MEF2C: variants seen among roughly 807,000 people sequenced by gnomAD.
The protein encoded by MEF2C is myocyte enhancer factor 2C.
Under a neutral mutation model 50.5 loss-of-function variants are expected in MEF2C, and 6 were observed. That is an observed-to-expected ratio of 0.12 (90% confidence interval 0.07 to 0.23). MEF2C has a LOEUF of 0.23. Among genes scored for constraint, MEF2C ranks in the 10% least tolerant of loss-of-function variants. The pLI is 1.00. For synonymous variants in MEF2C, 183 were observed against 228.0 expected (o/e 0.80, Z 1.78); for missense variants, 276 against 605.0 (o/e 0.46, Z 5.70).
chr5:88,817,382 T>G (rs1203740658), intron 2 of MEF2C, among the ~76,000 whole-genome samples: 2 of 152,036 alleles, frequency 1.3e-5, no homozygotes, highest in Non-Finnish European at 2.9e-5. Context: ...CACATCAGTA[T>G]GTAGAAACTG....
At chr5:88,774,180 G>A (rs1783715901) in intron 3 of MEF2C, among the ~76,000 whole-genome samples, 1 of 152,110 alleles carries the variant, frequency 6.6e-6, no homozygotes, top group South Asian at 2.1e-4. Flanking sequence ...AGTTGTTAGA[G>A]TTTCAGGATG....
chr5:88,855,650 TAGTA>T (rs1389627920), intron 1 of MEF2C, among the ~76,000 whole-genome samples: 24 of 152,270 alleles, frequency 1.6e-4, no homozygotes, highest in African/African-American at 4.6e-4. Flanking sequence ...GTTCTCCTGA[TAGTA>T]AGTGAGTTCT....
intron 1 of MEF2C, among the ~76,000 whole-genome samples, chr5:88,847,965 T>C (rs1033512840): frequency 6.6e-6 from 1 of 152,090 alleles, no homozygotes; most frequent in African/African-American, 2.4e-5. Flanking sequence ...AAAGTTAGAG[T>C]CAAATAAATT....
chr5:88,880,848 G>A (rs1482366517), intron 1 of MEF2C: 1 of 151,936 alleles, frequency 6.6e-6, no homozygotes, highest in Non-Finnish European at 1.5e-5. Context: ...CTCAGAAAAG[G>A]TGGAAAACTG....
In MEF2C at chr5:88,875,466, T is replaced by C. The variant is rs185717407; in HGVS notation, c.-143+7489A>G. Among the ~76,000 whole-genome samples, 455 of 152,102 alleles carry C rather than the reference T, an allele frequency of 3.0e-3. 10 individuals are homozygous for C. The highest frequency in any genetic ancestry group is 0.027 in the Admixed American group (414 of 15,254). ...CATATCTGGAATATAATGCACAAGC[T>C]TCATTGAAAAGAAACCATTATATTT... On this transcript the variant is annotated intron_variant, in intron 1 of 10. Coordinates refer to ENST00000504921, the MANE Select transcript of MEF2C (RefSeq NM_002397.5).
At chr5:88,726,012 C>T (rs1032610493) in intron 10 of MEF2C, among the ~76,000 whole-genome samples, 10 of 152,128 alleles carry the variant, frequency 6.6e-5, no homozygotes, top group Admixed American at 3.9e-4. Flanking sequence ...CTCCCTATAG[C>T]AAATAAATTT....
intron 3 of MEF2C, among the ~76,000 whole-genome samples, chr5:88,795,850 G>A (rs1795810225): frequency 6.6e-6 from 1 of 152,192 alleles, no homozygotes; most frequent in South Asian, 2.1e-4. Context: ...TTAGCAGGAA[G>A]GAGTGTTGAA....
Position 88,722,719 on chromosome 5 carries a change from C to G in MEF2C, c.1307G>C (p.Arg436Pro). Residue 436 changes from arginine to proline, a missense_variant, in exon 11 of 11, where the codon CGA becomes CCA. Arg to Pro is a moderately radical substitution (Grantham distance 103). Around this residue, in one of 2 missense-constraint regions of MEF2C, gnomAD observed 256 missense variants for 468.1 expected, o/e 0.55. Transcript: ENST00000504921. The part of the protein sequence containing the change: ...SCSSSYDGSD[R>P]EDHRNEFHSP... ...GTGGAATTCGTTCCGGTGATCCTCT[C>G]GGTCGCTCCCGTCGTACGAACTGCT... 6.2e-7 allele frequency: 1 copy of G among 1,613,924 alleles called. No homozygotes were observed. The highest frequency in any genetic ancestry group is 8.5e-7 in the Non-Finnish European group (1 of 1,179,882).
In MEF2C at chr5:88,718,497, G is replaced by A. The variant is rs951360136; in HGVS notation, c.*4107C>T. 7 of 152,072 alleles carry A rather than the reference G, an allele frequency of 4.6e-5. No individual in the cohort carries two copies. Among genetic ancestry groups the A allele is most frequent in the Non-Finnish European group, 1.0e-4 (7 of 68,018 alleles). 9.4% of individuals were successfully genotyped at this position (152,072 alleles called of 1,614,324 possible). On this transcript the variant is annotated 3_prime_UTR_variant, in exon 11 of 11. Transcript: ENST00000504921. Reference sequence around the variant, plus strand: ...TGCTTGTATGCCCTCATTTACAAGCGATTTTAATTACTCTCATTTAATGGA... The same window carrying A: ...TGCTTGTATGCCCTCATTTACAAGCAATTTTAATTACTCTCATTTAATGGA...
chr5:88,815,705 A>G (rs1435590535), intron 2 of MEF2C, among the ~76,000 whole-genome samples: 1 of 152,138 alleles, frequency 6.6e-6, no homozygotes, highest in East Asian at 1.9e-4. Flanking sequence ...AACTTTAAAA[A>G]TACCCTAATA....
intron 2 of MEF2C, among the ~76,000 whole-genome samples, chr5:88,816,982 C>T (rs1805747105): frequency 6.6e-6 from 1 of 151,820 alleles, no homozygotes. Flanking sequence ...AATTCTTCTA[C>T]AGTATTTAAA....
intron 6 of MEF2C, chr5:88,748,258 AT>A (rs772316979): frequency 4.8e-5 from 44 of 916,460 alleles, no homozygotes; most frequent in Admixed American, 4.3e-4. Flanking sequence ...AATAAACTTG[AT>A]TTTTTTTGAC....
At chr5:88,763,837 A>G (rs1251517277) in intron 3 of MEF2C, among the ~76,000 whole-genome samples, 1 of 151,992 alleles carries the variant, frequency 6.6e-6, no homozygotes, top group African/African-American at 2.4e-5. Flanking sequence ...ATTTTTGTAG[A>G]ATCAGGGTCT....
chr5:88,779,758 A>AG (rs1445371230), intron 3 of MEF2C, among the ~76,000 whole-genome samples: 1 of 65,666 alleles, frequency 1.5e-5, no homozygotes, highest in Non-Finnish European at 2.9e-5. Flanking sequence ...CAGCAAAGTG[A>AG]GGTTTTTTTT....
chr5:88,802,228 T>C (rs1798668417), intron 3 of MEF2C, among the ~76,000 whole-genome samples: 1 of 152,220 alleles, frequency 6.6e-6, no homozygotes, highest in Non-Finnish European at 1.5e-5. Context: ...GCAAAAGCAC[T>C]TTCAAATCCA....
intron 3 of MEF2C, among the ~76,000 whole-genome samples, chr5:88,793,340 G>A (rs1794637665): frequency 6.6e-6 from 1 of 152,124 alleles, no homozygotes; most frequent in Non-Finnish European, 1.5e-5. Flanking sequence ...GGGTTGTAAG[G>A]GCAGGTTAAT....
intron 2 of MEF2C, among the ~76,000 whole-genome samples, chr5:88,805,386 G>A (rs1799959035): frequency 6.6e-6 from 1 of 152,172 alleles, no homozygotes; most frequent in Admixed American, 6.5e-5. Flanking sequence ...ATTCTTCTGT[G>A]TATCTTTCTT....
Position 88,805,948 on chromosome 5 carries a change from G to C in MEF2C, c.55-1147C>G, listed in dbSNP as rs527810894. 4.4e-5 allele frequency among the ~76,000 whole-genome samples: 6 copies of C among 137,280 alleles called. No homozygotes were observed. In the East Asian group the frequency reaches 8.9e-4, roughly 20 times the overall value. 90.1% of individuals were successfully genotyped at this position (137,280 alleles called of 152,430 possible). ...ACAGGTATTCATTCTGTAGAGTACTGTTCCTATAAAATACTCCTTAAGAAA... is the reference window on the plus strand; with the variant it reads ...ACAGGTATTCATTCTGTAGAGTACTCTTCCTATAAAATACTCCTTAAGAAA... On this transcript the variant is annotated intron_variant, in intron 2 of 10. Transcript: ENST00000504921.
At chr5:88,804,507 A>G in intron 3 of MEF2C, 91 bp downstream of exon 3, 1 of 1,134,750 alleles carries the variant, frequency 8.8e-7, no homozygotes, top group East Asian at 2.5e-5. Context: ...CTTAAGAAAA[A>G]GAACATGATG....
Sources: gnomAD v4.1 joint callset for allele counts (sites outside exome capture counted in the v4.1 genomes callset) on GRCh38, gnomAD v4.1.1 for gene constraint, gnomAD v4.1.1 regional missense constraint, MANE v1.5 for transcripts, NCBI Gene and HGNC (gene_info 2026-07-23, HGNC 2026-07-21) for gene names.